TRPM3: variants seen among roughly 807,000 people sequenced by gnomAD.
TRPM3 encodes the protein long transient receptor potential channel 3.
Under a neutral mutation model 181.2 loss-of-function variants are expected in TRPM3, and 77 were observed. The ratio of observed to expected loss-of-function variants is 0.42; its 90% CI spans 0.35 to 0.51. TRPM3 has a LOEUF of 0.51. TRPM3 is among the 20% of genes least tolerant of loss of function. The pLI is 0.01. For missense variants in TRPM3, 1,759 were observed against 2,196.7 expected, an observed-to-expected ratio of 0.80 and a Z score of 3.98; for synonymous variants, 745 against 796.4, an observed-to-expected ratio of 0.94 and a Z score of 1.09.
intron 1 of TRPM3, among the ~76,000 whole-genome samples, chr9:70,963,589 T>A (rs77755478): frequency 0.062 from 9,494 of 152,196 alleles, 416 homozygotes; most frequent in Non-Finnish European, 0.095. Flanking sequence ...GAGGTATGCA[T>A]TGATATTTTG....
At chr9:70,886,698 C>T (rs1231747367) in intron 1 of TRPM3, among the ~76,000 whole-genome samples, 1 of 151,616 alleles carries the variant, frequency 6.6e-6, no homozygotes, top group Non-Finnish European at 1.5e-5. Context: ...GAATTTCGCT[C>T]TTGTCGCCCA....
rs576820910 is a variant in TRPM3 at position 70,921,602 on chromosome 9, C to G, written c.178-57091G>C. Among the ~76,000 whole-genome samples the G allele has an allele frequency of 1.2e-4, 19 of 152,250 alleles. 1 individual carries two copies. The highest frequency in any genetic ancestry group is 1.2e-3 in the Admixed American group (19 of 15,288). ...TGAAGTTTTAGACTCAAGTGAGTCT[C>G]TAAGTAGCTCAAAGAGTTTGATACG... is the stretch of plus-strand genomic sequence containing the variant. On this transcript the variant is annotated intron_variant, in intron 1 of 25. Coordinates refer to ENST00000677713, the MANE Select transcript of TRPM3 (RefSeq NM_001366145.2).
intron 7 of TRPM3, 42 bp from the exon 8 acceptor site, chr9:70,761,766 T>C: frequency 6.3e-7 from 1 of 1,576,926 alleles, no homozygotes; most frequent in Non-Finnish European, 8.6e-7. Flanking sequence ...AACCAACTCC[T>C]ATTCAGCAAG....
At position 70,878,140 on chromosome 9, in the gene TRPM3, C is replaced by T. The variant is rs368566584; in HGVS notation, c.178-13629G>A. The stretch of plus-strand genomic sequence containing the variant: ...GATTCCAATGTTAATGATTTGAAAG[C>T]GAATTGTTATGAAAGCGGGCATGCA... On this transcript the variant is annotated intron_variant, in intron 1 of 25. Transcript: ENST00000677713. Among the ~76,000 whole-genome samples the T allele has an allele frequency of 6.6e-5, 10 of 152,070 alleles. No homozygotes were observed. The East Asian group carries it at 1.5e-3, about 24-fold the overall frequency.
chr9:71,386,081 T>C (rs1027141488), intron 1 of TRPM3, among the ~76,000 whole-genome samples: 3 of 152,040 alleles, frequency 2.0e-5, no homozygotes, highest in African/African-American at 4.8e-5. Context: ...ATGCAAAGAA[T>C]AGAGTTAAGA....
At chr9:71,383,167 ACT>A (rs919412894) in intron 1 of TRPM3, among the ~76,000 whole-genome samples, 1 of 152,150 alleles carries the variant, frequency 6.6e-6, no homozygotes, top group African/African-American at 2.4e-5. Flanking sequence ...ATTTTATATC[ACT>A]GTTAGCTCCA....
At chr9:71,017,503 T>C (rs2097794158) in intron 1 of TRPM3, among the ~76,000 whole-genome samples, 1 of 151,714 alleles carries the variant, frequency 6.6e-6, no homozygotes, top group Non-Finnish European at 1.5e-5. Context: ...GGATGTAAAA[T>C]GTTTAAAATA....
chr9:70,798,437 C>T (rs1339358769), intron 6 of TRPM3, among the ~76,000 whole-genome samples: 1 of 152,156 alleles, frequency 6.6e-6, no homozygotes, highest in Non-Finnish European at 1.5e-5. Flanking sequence ...TCCTGAGGCC[C>T]TTTTTAACTT....
intron 1 of TRPM3, among the ~76,000 whole-genome samples, chr9:71,058,538 A>G (rs541999280): frequency 6.6e-6 from 1 of 152,030 alleles, no homozygotes; most frequent in African/African-American, 2.4e-5. Flanking sequence ...AGTTTCCAAA[A>G]ATATTGCCTT....
intron 1 of TRPM3, among the ~76,000 whole-genome samples, chr9:71,135,189 A>T (rs1042165841): frequency 3.3e-5 from 5 of 152,210 alleles, no homozygotes; most frequent in Non-Finnish European, 7.3e-5. Context: ...TCTTATCCAT[A>T]TACTGGACTG....
intron 1 of TRPM3, among the ~76,000 whole-genome samples, chr9:70,995,767 A>G (rs1031101774): frequency 3.9e-5 from 6 of 152,176 alleles, no homozygotes; most frequent in Non-Finnish European, 7.4e-5. Flanking sequence ...TAATTGCTCA[A>G]AATAAAGCCA....
chr9:71,071,731 A>G (rs897870474), intron 1 of TRPM3, among the ~76,000 whole-genome samples: 1 of 152,122 alleles, frequency 6.6e-6, no homozygotes. Flanking sequence ...TTTGAATCCA[A>G]CTCTGCCACT....
chr9:71,120,335 A>G (rs1459786033), intron 1 of TRPM3, among the ~76,000 whole-genome samples: 2 of 152,216 alleles, frequency 1.3e-5, no homozygotes, highest in Admixed American at 1.3e-4. Context: ...TTACTGGGCA[A>G]AAATGCTTGT....
chr9:70,585,226 T>G (rs2056859224), intron 22 of TRPM3, among the ~76,000 whole-genome samples: 1 of 152,226 alleles, frequency 6.6e-6, no homozygotes. Flanking sequence ...ACCAGTGACT[T>G]CCTGAAGGAC....
intron 1 of TRPM3, among the ~76,000 whole-genome samples, chr9:70,920,246 C>G (rs2096641420): frequency 6.6e-6 from 1 of 152,180 alleles, no homozygotes; most frequent in Non-Finnish European, 1.5e-5. Flanking sequence ...CTAGAAGCTT[C>G]TTGAAGGCAA....
At chr9:70,940,684 G>C (rs2096877424) in intron 1 of TRPM3, among the ~76,000 whole-genome samples, 1 of 152,210 alleles carries the variant, frequency 6.6e-6, no homozygotes. Flanking sequence ...AGGTGGTCAG[G>C]AAGGACTTCT....
At chr9:71,018,716 T>C (rs1796695964) in intron 1 of TRPM3, among the ~76,000 whole-genome samples, 1 of 151,840 alleles carries the variant, frequency 6.6e-6, no homozygotes, top group Non-Finnish European at 1.5e-5. Flanking sequence ...CTTCCACATA[T>C]TTAAGGAAAA....
In TRPM3 at chr9:70,749,321, G is replaced by A. The variant is rs138868132; in HGVS notation, c.1272+12280C>T. ...ATGAGAACCAGCTGTAGGGAAGTAG[G>A]AAGTCCATGTTACCATACTATAAAG... On this transcript the variant is annotated intron_variant, in intron 8 of 25. Coordinates refer to ENST00000677713, the MANE Select transcript of TRPM3 (RefSeq NM_001366145.2). Among the ~76,000 whole-genome samples the A allele has an allele frequency of 1.3e-3, 196 of 152,214 alleles. 1 individual carries two copies. The highest frequency in any genetic ancestry group is 4.6e-3 in the African/African-American group (192 of 41,540).
chr9:70,878,413 C>G (rs1564669454), intron 1 of TRPM3, among the ~76,000 whole-genome samples: 1 of 152,026 alleles, frequency 6.6e-6, no homozygotes, highest in Non-Finnish European at 1.5e-5. Flanking sequence ...AATTAATTCA[C>G]TCATGCACTC....
Sources: allele counts gnomAD v4.1 joint callset (sites outside exome capture counted in the v4.1 genomes callset), GRCh38; gene constraint gnomAD v4.1.1; transcripts MANE v1.5; gene names NCBI Gene and HGNC (gene_info 2026-07-23, HGNC 2026-07-21).